Variants in MUC4 observed in about 807,000 individuals in gnomAD.
MUC4 encodes mucin-4.
Under a neutral mutation model 257.9 loss-of-function variants are expected in MUC4, and 202 were observed. The ratio of observed to expected loss-of-function variants is 0.78; its 90% CI spans 0.70 to 0.88. The LOEUF (loss-of-function observed/expected upper bound fraction) is 0.88. Ranked by LOEUF, MUC4 falls within the 40% of genes least tolerant of loss-of-function variation. MUC4 has a pLI of 0.00. For missense variants in MUC4, 5,976 were observed against 6,513.7 expected (o/e 0.92, Z 2.84); for synonymous variants, 2,351 against 2,757.1 (o/e 0.85, Z 4.62).
intron 19 of MUC4, chr3:195,753,448 C>G: frequency 1.8e-6 from 1 of 561,484 alleles, no homozygotes; most frequent in Non-Finnish European, 3.1e-6. Flanking sequence ...TGTGGAGGGA[C>G]TGGAGTGTTT....
chr3:195,752,973 A>G (rs1716772499), intron 20 of MUC4, 78 bp downstream of exon 20: 1 of 1,252,004 alleles, frequency 8.0e-7, no homozygotes, highest in Non-Finnish European at 1.1e-6. Context: ...TCTTCCCCAA[A>G]GGTGGGCGGA....
In MUC4 at chr3:195,747,349, C is replaced by T; in HGVS notation, c.16066G>A (p.Gly5356Ser). The T allele has an allele frequency of 4.3e-6, 7 of 1,614,024 alleles. No individual in the cohort carries two copies. The highest frequency in any genetic ancestry group is 5.9e-6 in the Non-Finnish European group (7 of 1,179,878). ...CVSFSIYTAW[G>S]EHCEHLSMKL... ...ATGCTCAGGTGCTCACAGTGCTCGCCCCAGGCCGTGTAGATGGAGAAGGAC... is the reference window on the plus strand; with the variant it reads ...ATGCTCAGGTGCTCACAGTGCTCGCTCCAGGCCGTGTAGATGGAGAAGGAC... The change falls in exon 25 of 25, where the codon GGC becomes AGC. Residue 5356 changes from glycine to serine, a missense_variant. Gly to Ser is a moderately conservative substitution (Grantham distance 56). Around this residue, in one of 44 missense-constraint regions of MUC4, gnomAD observed 310 missense variants for 242.1 expected, o/e 1.28. Coordinates refer to ENST00000463781, the MANE Select transcript of MUC4 (RefSeq NM_018406.7).
intron 23 of MUC4, chr3:195,749,892 C>T (rs1272202970): frequency 6.6e-6 from 1 of 152,242 alleles, no homozygotes; most frequent in African/African-American, 2.4e-5. Flanking sequence ...GTTTGTGTTT[C>T]CTAAAGTTTC....
At chr3:195,811,145 ATATTTATTTATTTATTTATTTATT>A (rs71885309) in intron 1 of MUC4, among the ~76,000 whole-genome samples, 42 of 136,702 alleles carry the variant, frequency 3.1e-4, no homozygotes, top group African/African-American at 6.0e-4. Flanking sequence ...ATTTTATTTT[ATATTTATTTATTTATTTATTTATT>A]TATTTATTTA....
chr3:195,762,928 C>T lies in MUC4; in HGVS notation c.14271G>A (p.Glu4757=). The change falls in exon 13 of 25, where the codon GAG becomes GAA. Residue 4757 remains glutamate (E), a synonymous_variant. Coordinates refer to ENST00000463781, the MANE Select transcript of MUC4 (RefSeq NM_018406.7). ...GCAGGACACGGATTGCGTCGTGAGGCTCAAGGAGCCATTGGACCTGGAAGG... is the reference window on the plus strand; with the variant it reads ...GCAGGACACGGATTGCGTCGTGAGGTTCAAGGAGCCATTGGACCTGGAAGG... The part of the protein sequence containing the change: ...LGPVTVQWLL[E]PHDAIRVLLD... The T allele has an allele frequency of 6.4e-7, 1 of 1,564,482 alleles. No individual in the cohort carries two copies. The highest frequency in any genetic ancestry group is 8.6e-7 in the Non-Finnish European group (1 of 1,156,314).
At chr3:195,759,918 A>AACACACACACGCACGCACGC (rs1553855191) in intron 16 of MUC4, among the ~76,000 whole-genome samples, 54 of 149,850 alleles carry the variant, frequency 3.6e-4, no homozygotes, top group Admixed American at 1.3e-3. Context: ...AAACTCCGTC[A>AACACACACACGCACGCACGC]ACACACACAC....
At position 195,782,969 on chromosome 3, in the gene MUC4, A is replaced by G. The variant is rs2148961547; in HGVS notation, c.8611T>C (p.Ser2871Pro). The change falls in exon 2 of 25, where the codon TCC becomes CCC. Residue 2871 changes from serine (S) to proline (P), a missense_variant. By Grantham distance (74) the Ser-to-Pro change is moderately conservative. This residue lies in a region of MUC4 where 228 missense variants were observed against 206.3 expected (regional missense o/e 1.11). Transcript: ENST00000463781. Reference sequence around the variant, plus strand: ...GTGGCATGACCTGTGGACACTGAGGAAGCGTCGGTGACAGGAAGAGAGGTG... The same window carrying G: ...GTGGCATGACCTGTGGACACTGAGGGAGCGTCGGTGACAGGAAGAGAGGTG... ...HATSLPVTDASSVSTGHATPL... is the reference protein window; with the variant it reads ...HATSLPVTDAPSVSTGHATPL... The G allele has an allele frequency of 8.4e-7, 1 of 1,185,230 alleles. No homozygotes were observed. Among genetic ancestry groups the G allele is most frequent in the East Asian group, 3.2e-5 (1 of 30,876 alleles). 73.4% of individuals were successfully genotyped at this position (1,185,230 alleles called of 1,614,324 possible). A position where few individuals can be genotyped will look rare whatever the true frequency, so the allele number is the denominator to read the frequency against.
rs6768267 is a variant in MUC4 at position 195,746,912 on chromosome 3, G to A, written c.*264C>T. ...TGTGTGTGTGTGTGTGTGTGCACGCGCGCGTGCACAGGCTAGTGTCCTTCT... is the reference window on the plus strand; with the variant it reads ...TGTGTGTGTGTGTGTGTGTGCACGCACGCGTGCACAGGCTAGTGTCCTTCT... On this transcript the variant is annotated 3_prime_UTR_variant, in exon 25 of 25. Coordinates refer to ENST00000463781, the MANE Select transcript of MUC4 (RefSeq NM_018406.7). The A allele has an allele frequency of 0.17, 94,999 of 564,658 alleles. 7,510 individuals carry two copies. The highest frequency in any genetic ancestry group is 0.21 in the African/African-American group (11,201 of 52,598). 35.0% of individuals were successfully genotyped at this position (564,658 alleles called of 1,614,324 possible). A position where few individuals can be genotyped will look rare whatever the true frequency, so the allele number is the denominator to read the frequency against.
chr3:195,786,494 G>C lies in MUC4; in HGVS notation c.5086C>G (p.Arg1696Gly), dbSNP rs62282501. ...GAGGAAACGTCGGTGACAGGAAGAC[G>C]GGTGGTGTCATCTGTGGTAGCTGAG... ...LSSATTDDTT[R>G]LPVTDVSSAS... is the part of the protein sequence containing the mutation. The change falls in exon 2 of 25, where the codon CGT becomes GGT. Residue 1696 changes from arginine (R) to glycine (G), a missense_variant. By Grantham distance (125) the Arg-to-Gly change is moderately radical. Around this residue, in one of 44 missense-constraint regions of MUC4, gnomAD observed 138 missense variants for 107.8 expected, o/e 1.28. Coordinates refer to ENST00000463781, the MANE Select transcript of MUC4 (RefSeq NM_018406.7). 11 of 1,474,844 alleles carry C rather than the reference G, an allele frequency of 7.5e-6. No individual in the cohort carries two copies. Among genetic ancestry groups the C allele is most frequent in the Non-Finnish European group, 1.0e-5 (11 of 1,089,466 alleles). 91.4% of individuals were successfully genotyped at this position (1,474,844 alleles called of 1,614,324 possible). A position where few individuals can be genotyped will look rare whatever the true frequency, so the allele number is the denominator to read the frequency against.
rs371943393 is a variant in MUC4 at position 195,798,682 on chromosome 3, T to C, written c.83-7185A>G. 9.4e-3 allele frequency among the ~76,000 whole-genome samples: 1,423 copies of C among 152,108 alleles called. 16 individuals carry two copies. The highest frequency in any genetic ancestry group is 0.011 in the Non-Finnish European group (766 of 67,990). On this transcript the variant is annotated intron_variant, in intron 1 of 24. Transcript: ENST00000463781. ...TTGCACCACTGCACTCCTGCCTGGG[T>C]GACAGAGTGAGACTCCGTCTCAAAA...
Position 195,747,186 on chromosome 3 carries a change from G to T in MUC4, c.16229C>A (p.Ala5410Asp), listed in dbSNP as rs1487766792. ...RFSYFLNSAEALP is the reference protein window; with the variant it reads ...RFSYFLNSAEDLP ...GCCACAGCTGCCCCTTCAAGGCAAG[G>T]CCTCAGCTGAGTTCAGGAAATAGGA... is the stretch of plus-strand genomic sequence containing the variant. Residue 5410 changes from alanine to aspartate, a missense_variant, in exon 25 of 25, where the codon GCC (alanine) becomes GAC (aspartate). Coordinates refer to ENST00000463781, the MANE Select transcript of MUC4 (RefSeq NM_018406.7). 1 of 1,614,166 alleles carries T rather than the reference G, an allele frequency of 6.2e-7. No homozygotes were observed. The highest frequency in any genetic ancestry group is 8.5e-7 in the Non-Finnish European group (1 of 1,180,068).
At chr3:195,760,327 G>A (rs1336612053) in intron 16 of MUC4, among the ~76,000 whole-genome samples, 1 of 152,206 alleles carries the variant, frequency 6.6e-6, no homozygotes, top group East Asian at 1.9e-4. Flanking sequence ...AAGAAGGTGA[G>A]GGGCAAGCGT....
chr3:195,806,784 A>G (rs1736043199), intron 1 of MUC4, among the ~76,000 whole-genome samples: 1 of 152,210 alleles, frequency 6.6e-6, no homozygotes, highest in South Asian at 2.1e-4. Flanking sequence ...GATCTTAAAC[A>G]AGTCACTTAA....
rs755047104 is a variant in MUC4 at position 195,769,043 on chromosome 3, G to T, written c.13508C>A (p.Pro4503Gln). 2 of 1,613,688 alleles carry T rather than the reference G, an allele frequency of 1.2e-6. No homozygotes were observed. Among genetic ancestry groups the T allele is most frequent in the African/African-American group, 2.7e-5 (2 of 74,904 alleles). ...QWDVAQRSGN[P>Q]VLMGFSSGDG... Reference sequence around the variant, plus strand: ...CTACCTAGAGAAGCCCATGAGCACCGGGTTGCCTGAGCGCTGGGCCACGTC... The same window carrying T: ...CTACCTAGAGAAGCCCATGAGCACCTGGTTGCCTGAGCGCTGGGCCACGTC... The change falls in exon 7 of 25, where the codon CCG (proline) becomes CAG (glutamine). Residue 4503 changes from proline to glutamine, a missense_variant. By Grantham distance (76) the Pro-to-Gln change is moderately conservative. Transcript: ENST00000463781.
At position 195,788,317 on chromosome 3, in the gene MUC4, G is replaced by A; in HGVS notation, c.3263C>T (p.Pro1088Leu). 1 of 1,547,586 alleles carries A rather than the reference G, an allele frequency of 6.5e-7. No homozygotes were observed. Among genetic ancestry groups the A allele is most frequent in the East Asian group, 2.4e-5 (1 of 41,040 alleles). ...TGAGGAAGTGTCAGTGACAGGAAGA[G>A]GGGTGGTGTCACCTGTGGATGCTGA... ...LSSASTGDTT[P>L]LPVTDTSSAS... Residue 1088 changes from proline (P) to leucine (L), a missense_variant, in exon 2 of 25, where the codon CCT (proline) becomes CTT (leucine). Physicochemically the swap from Pro to Leu is moderately conservative, Grantham distance 98. Coordinates refer to ENST00000463781, the MANE Select transcript of MUC4 (RefSeq NM_018406.7).
chr3:195,749,187 C>G, intron 23 of MUC4, 123 bp from the exon 24 acceptor site: 1 of 1,227,230 alleles, frequency 8.1e-7, no homozygotes, highest in Non-Finnish European at 1.1e-6. Flanking sequence ...TGCACAGATA[C>G]ATATGCCCCT....
At chr3:195,777,839 TCCATACCTTCCACAC>T (rs1725283459) in intron 3 of MUC4, among the ~76,000 whole-genome samples, 2 of 1,918 alleles carry the variant, frequency 1.0e-3, no homozygotes, top group Non-Finnish European at 1.8e-3. Flanking sequence ...ACCTTCCACA[TCCATACCTTCCACAC>T]CCATACCTTC....
Position 195,789,323 on chromosome 3 carries a change from C to CA in MUC4, c.2256_2257insT (p.Gly753TrpfsTer13), listed in dbSNP as rs770272366. The CA allele has an allele frequency of 1.2e-6, 2 of 1,613,924 alleles. No individual in the cohort carries two copies. Among genetic ancestry groups the CA allele is most frequent in the Non-Finnish European group, 1.7e-6 (2 of 1,179,880 alleles). Reference sequence around the variant, plus strand: ...CTGGCAGAGGCTGATGTCCATTGTCCTTCTGGGCCCCCTGGTGTTGACACT... The same window carrying CA: ...CTGGCAGAGGCTGATGTCCATTGTCCATTCTGGGCCCCCTGGTGTTGACACT... On this transcript the variant is annotated frameshift_variant, in exon 2 of 25. Coordinates refer to ENST00000463781, the MANE Select transcript of MUC4 (RefSeq NM_018406.7). LOFTEE classifies it high-confidence loss of function.
chr3:195,749,585 G>A (rs1715940628), intron 23 of MUC4, among the ~76,000 whole-genome samples: 1 of 152,116 alleles, frequency 6.6e-6, no homozygotes, highest in Non-Finnish European at 1.5e-5. Flanking sequence ...CGGACACACA[G>A]TAAGCACTCA....
Sources: allele counts gnomAD v4.1 joint callset (sites outside exome capture counted in the v4.1 genomes callset), GRCh38; gene constraint gnomAD v4.1.1; regional missense constraint gnomAD v4.1.1; transcripts MANE v1.5; gene names NCBI Gene and HGNC (gene_info 2026-07-23, HGNC 2026-07-21).